Variants in FAM174A observed in about 807,000 individuals in gnomAD.
The protein encoded by FAM174A is family with sequence similarity 174 member A, also known as membrane protein FAM174A.
In FAM174A, 14 loss-of-function variants were observed where a neutral mutation model predicts 14.3. The observed-to-expected ratio is 0.98, with a 90% CI of 0.65 to 1.53. The LOEUF (loss-of-function observed/expected upper bound fraction) is 1.53. FAM174A is among the 40% of genes most tolerant of loss of function. FAM174A has a pLI of 0.00. For synonymous variants in FAM174A, 108 were observed against 111.4 expected, an observed-to-expected ratio of 0.97 and a Z score of 0.19; for missense variants, 241 against 249.6, an observed-to-expected ratio of 0.97 and a Z score of 0.23.
In FAM174A at chr5:100,586,282, G is replaced by T. The variant is rs1419729561; in HGVS notation, c.*98G>T. ...AAGCCACTATATCAATGTTGGGGGG[G>T]TATTTAAGTTACATATATTTTAACA... On this transcript the variant is annotated 3_prime_UTR_variant, in exon 3 of 3. Coordinates refer to ENST00000312637, the MANE Select transcript of FAM174A (RefSeq NM_198507.3). The T allele has an allele frequency of 3.9e-6, 3 of 761,178 alleles. No individual in the cohort carries two copies. The highest frequency in any genetic ancestry group is 1.8e-5 in the African/African-American group (1 of 55,152). 47.2% of individuals were successfully genotyped at this position (761,178 alleles called of 1,614,324 possible). A position where few individuals can be genotyped will look rare whatever the true frequency, so the allele number is the denominator to read the frequency against.
intron 1 of FAM174A, among the ~76,000 whole-genome samples, chr5:100,551,232 C>A (rs1054828884): frequency 1.3e-5 from 2 of 152,108 alleles, no homozygotes; most frequent in Admixed American, 6.6e-5. Flanking sequence ...CTAATCAGAC[C>A]TCCATTCAAG....
chr5:100,567,975 T>C (rs950197555), intron 2 of FAM174A, among the ~76,000 whole-genome samples: 5 of 152,016 alleles, frequency 3.3e-5, no homozygotes, highest in African/African-American at 1.2e-4. Context: ...TTTCTCCCTA[T>C]GTTTAACATC....
rs75387559 is a variant in FAM174A, at chr5:100,544,949, C to T, written c.434+8985C>T. Among the ~76,000 whole-genome samples the T allele has an allele frequency of 8.1e-3, 1,237 of 152,326 alleles. 14 individuals are homozygous for T. The highest frequency in any genetic ancestry group is 0.028 in the African/African-American group (1,177 of 41,580). Reference sequence around the variant, plus strand: ...AATGCTCAGGTGGTATCTACCAATACACTCTACCAGTGTTTCTGGACCCAT... The same window carrying T: ...AATGCTCAGGTGGTATCTACCAATATACTCTACCAGTGTTTCTGGACCCAT... On this transcript the variant is annotated intron_variant, in intron 1 of 2. Transcript: ENST00000312637.
intron 2 of FAM174A, among the ~76,000 whole-genome samples, chr5:100,564,603 G>T (rs1746599630): frequency 6.6e-6 from 1 of 151,696 alleles, no homozygotes; most frequent in Non-Finnish European, 1.5e-5. Flanking sequence ...TTAAGATTTT[G>T]CGTATAGAAA....
intron 1 of FAM174A, among the ~76,000 whole-genome samples, chr5:100,553,639 T>C (rs2112375680): frequency 6.6e-6 from 1 of 152,226 alleles, no homozygotes; most frequent in Non-Finnish European, 1.5e-5. Context: ...CACCCATTTA[T>C]TTGATGCCTA....
intron 2 of FAM174A, among the ~76,000 whole-genome samples, chr5:100,569,391 T>TTATATATA (rs34722898): frequency 6.7e-6 from 1 of 150,162 alleles, no homozygotes; most frequent in Non-Finnish European, 1.5e-5. Context: ...GAGGCTATTA[T>TTATATATA]TATATATATA....
chr5:100,563,235 A>T (rs1031539731), intron 2 of FAM174A, among the ~76,000 whole-genome samples: 3 of 151,832 alleles, frequency 2.0e-5, no homozygotes, highest in Admixed American at 1.3e-4. Flanking sequence ...GAACAAAACA[A>T]TTGCATCTGT....
At chr5:100,567,430 G>C (rs1481740949) in intron 2 of FAM174A, among the ~76,000 whole-genome samples, 1 of 151,830 alleles carries the variant, frequency 6.6e-6, no homozygotes, top group Non-Finnish European at 1.5e-5. Flanking sequence ...AGATGAGTTA[G>C]AGAGGTTAAC....
intron 1 of FAM174A, among the ~76,000 whole-genome samples, chr5:100,558,084 A>C (rs1452143190): frequency 6.6e-6 from 1 of 152,074 alleles, no homozygotes; most frequent in Non-Finnish European, 1.5e-5. Flanking sequence ...TAGTGCTATA[A>C]ATTTCCCTCT....
chr5:100,567,954 T>G (rs771089096), intron 2 of FAM174A, among the ~76,000 whole-genome samples: 30 of 152,104 alleles, frequency 2.0e-4, no homozygotes, highest in Non-Finnish European at 3.7e-4. Context: ...ATATCATATT[T>G]CTCATCTAAA....
intron 1 of FAM174A, among the ~76,000 whole-genome samples, chr5:100,553,929 A>G (rs1456045823): frequency 6.6e-6 from 1 of 152,218 alleles, no homozygotes; most frequent in Non-Finnish European, 1.5e-5. Context: ...CTTAAGCTCT[A>G]CATTCATATC....
chr5:100,576,791 A>T lies in FAM174A; in HGVS notation c.570-9390A>T, dbSNP rs146684524. On this transcript the variant is annotated intron_variant, in intron 2 of 2. Coordinates refer to ENST00000312637, the MANE Select transcript of FAM174A (RefSeq NM_198507.3). ...AACTTTTCTTGAATTTGCTATTGTT[A>T]TCCTAATTTTGTTAGTTAGAGGCAA... Among the ~76,000 whole-genome samples the T allele has an allele frequency of 3.8e-4, 58 of 152,282 alleles. No individual in the cohort carries two copies. The East Asian group carries it at 9.4e-3, about 25-fold the overall frequency.
In FAM174A at chr5:100,559,393, G is replaced by T. The variant is rs568678431; in HGVS notation, c.435-2661G>T. Among the ~76,000 whole-genome samples the T allele has an allele frequency of 6.5e-4, 99 of 152,128 alleles. 1 individual carries two copies. The South Asian group carries it at 0.019, about 30-fold the overall frequency. On this transcript the variant is annotated intron_variant, in intron 1 of 2. Transcript: ENST00000312637. ...ACATTTTTTCCTTCATTTCAACTTT[G>T]GTGAATCTGGCAGTTATGTGTCTTG...
intron 1 of FAM174A, among the ~76,000 whole-genome samples, chr5:100,545,606 C>T (rs1746150285): frequency 6.6e-6 from 1 of 152,050 alleles, no homozygotes; most frequent in Non-Finnish European, 1.5e-5. Context: ...TTTATGTATT[C>T]ACCAGTTATC....
chr5:100,536,002 G>T (rs746111753), intron 1 of FAM174A, 38 bp downstream of exon 1: 6 of 1,514,966 alleles, frequency 4.0e-6, no homozygotes, highest in Non-Finnish European at 5.3e-6. Flanking sequence ...CCGTGGGCCT[G>T]AGATACGCAG....
At chr5:100,568,656 C>T (rs920543384) in intron 2 of FAM174A, among the ~76,000 whole-genome samples, 2 of 151,502 alleles carry the variant, frequency 1.3e-5, no homozygotes, top group Non-Finnish European at 1.5e-5. Flanking sequence ...CTAATTGGTT[C>T]AGTCTTATAA....
intron 2 of FAM174A, chr5:100,581,355 G>A (rs1747012223): frequency 1.0e-6 from 1 of 984,674 alleles, no homozygotes; most frequent in Non-Finnish European, 1.2e-6. Flanking sequence ...AGACTGCTGT[G>A]GAATTCCTGA....
At chr5:100,550,439 C>A (rs1241338238) in intron 1 of FAM174A, among the ~76,000 whole-genome samples, 3 of 152,010 alleles carry the variant, frequency 2.0e-5, no homozygotes, top group Admixed American at 2.0e-4. Flanking sequence ...ATTTAGATAT[C>A]TTTCTTATAC....
chr5:100,573,094 G>C (rs1746826349), intron 2 of FAM174A, among the ~76,000 whole-genome samples: 1 of 152,022 alleles, frequency 6.6e-6, no homozygotes. Flanking sequence ...CTTTTTGATG[G>C]GGTTATTTGT....
Sources: allele counts gnomAD v4.1 joint callset (sites outside exome capture counted in the v4.1 genomes callset), GRCh38; gene constraint gnomAD v4.1.1; transcripts MANE v1.5; gene names NCBI Gene and HGNC (gene_info 2026-07-23, HGNC 2026-07-21).